The following KCTD7 variants were observed in gnomAD, a reference collection of about 807,000 sequenced individuals.
The protein encoded by KCTD7 is BTB/POZ domain-containing protein KCTD7.
In KCTD7, 15 loss-of-function variants were observed where a neutral mutation model predicts 27.0. The ratio of observed to expected loss-of-function variants is 0.56; its 90% CI spans 0.37 to 0.86. The LOEUF (loss-of-function observed/expected upper bound fraction) is 0.86. Ranked by LOEUF, KCTD7 falls within the 40% of genes least tolerant of loss-of-function variation. The probability of loss-of-function intolerance (pLI) is 0.00; values close to 1 mark genes in which losing one functional copy is unlikely to be tolerated. For missense variants in KCTD7, 299 were observed against 398.9 expected (o/e 0.75, Z 2.13); for synonymous variants, 159 against 162.7 (o/e 0.98, Z 0.17).
Position 66,640,587 on chromosome 7 carries a change from C to A in KCTD7, c.*1355C>A, listed in dbSNP as rs1281299146. ...CTAATCATGATTGTACCTGTCTCTT[C>A]CTGGGTAAAGGGAGATTTTTTTTTT... On this transcript the variant is annotated 3_prime_UTR_variant, in exon 4 of 4. Transcript: ENST00000639828. 15 of 1,401,370 alleles carry A rather than the reference C, an allele frequency of 1.1e-5. No homozygotes were observed. Among genetic ancestry groups the A allele is most frequent in the Admixed American group, 3.1e-5 (1 of 31,750 alleles). 86.8% of individuals were successfully genotyped at this position (1,401,370 alleles called of 1,614,324 possible).
At chr7:66,638,723 C>T (rs1562649855) in intron 3 of KCTD7, 133 bp from the exon 4 acceptor site, 2 of 1,159,978 alleles carry the variant, frequency 1.7e-6, no homozygotes, top group Non-Finnish European at 2.5e-6. Context: ...CATTGGCCCC[C>T]TGAGTCCCTT....
Position 66,639,637 on chromosome 7 carries a change from C to G in KCTD7, c.*405C>G. ...CACTTCCTCAACCCTGTTCAAGCGT[C>G]CCTCCCTTGTGCTCAGTATATTGGT... On this transcript the variant is annotated 3_prime_UTR_variant, in exon 4 of 4. Transcript: ENST00000639828. 1 of 1,341,276 alleles carries G rather than the reference C, an allele frequency of 7.5e-7. No homozygotes were observed. Among genetic ancestry groups the G allele is most frequent in the Non-Finnish European group, 9.6e-7 (1 of 1,043,460 alleles). The allele number at this position is 1,341,276 out of a possible 1,614,324, so 83.1% of individuals were successfully genotyped here.
At chr7:66,632,197 C>G (rs1363460019) in intron 1 of KCTD7, among the ~76,000 whole-genome samples, 1 of 152,136 alleles carries the variant, frequency 6.6e-6, no homozygotes, top group Non-Finnish European at 1.5e-5. Flanking sequence ...AGAAAAAGGG[C>G]ACATAGCAGG....
intron 1 of KCTD7, among the ~76,000 whole-genome samples, chr7:66,630,795 G>A (rs942718029): frequency 6.6e-6 from 1 of 152,112 alleles, no homozygotes; most frequent in East Asian, 1.9e-4. Flanking sequence ...GCAGACCAGG[G>A]CCCCACCACC....
chr7:66,638,137 T>C, intron 2 of KCTD7, 116 bp from the exon 3 acceptor site: 8 of 1,058,810 alleles, frequency 7.6e-6, no homozygotes, highest in Non-Finnish European at 1.0e-5. Flanking sequence ...GTTAAGTTCA[T>C]TTACCCAGTG....
Position 66,632,982 on chromosome 7 carries a change from C to T in KCTD7, c.145-293C>T, listed in dbSNP as rs113136163. ...CTGAGGCAGGAGAATGGCGTGAACCCGGGAGGCGGAGCTTGCAGTGAGCCA... is the reference window on the plus strand; with the variant it reads ...CTGAGGCAGGAGAATGGCGTGAACCTGGGAGGCGGAGCTTGCAGTGAGCCA... On this transcript the variant is annotated intron_variant, in intron 1 of 3. Transcript: ENST00000639828. Among the ~76,000 whole-genome samples the T allele has an allele frequency of 6.5e-4, 99 of 151,868 alleles. 1 individual carries two copies. The highest frequency in any genetic ancestry group is 3.4e-3 in the Middle Eastern group (1 of 292).
chr7:66,634,134 A>G (rs1190333714), intron 2 of KCTD7, among the ~76,000 whole-genome samples: 1 of 145,666 alleles, frequency 6.9e-6, no homozygotes, highest in African/African-American at 2.5e-5. Context: ...ATATATATAT[A>G]TATGTATATA....
intron 2 of KCTD7, among the ~76,000 whole-genome samples, chr7:66,637,655 T>G (rs574953925): frequency 2.6e-5 from 4 of 152,246 alleles, no homozygotes; most frequent in South Asian, 2.1e-4. Flanking sequence ...ATAATTCTGT[T>G]TATATATATA....
rs768234025 is a variant in KCTD7 at position 66,638,849 on chromosome 7, C to G, written c.494-7C>G. On this transcript the variant is annotated splice_region_variant and splice_polypyrimidine_tract_variant and intron_variant, in intron 3 of 3. Transcript: ENST00000639828. ...CCTAGTGATAGGTGTTGTGTTCATC[C>G]TTATAGACCACTTGGAGCGGATTGT... is the stretch of plus-strand genomic sequence containing the variant. 1.2e-6 allele frequency: 2 copies of G among 1,613,950 alleles called. No individual in the cohort carries two copies. Among genetic ancestry groups the G allele is most frequent in the South Asian group, 2.2e-5 (2 of 91,076 alleles).
rs769991459 is a variant in KCTD7 at position 66,638,272 on chromosome 7, C to T, written c.334C>T (p.Arg112Cys). 19 of 1,614,208 alleles carry T rather than the reference C, an allele frequency of 1.2e-5. No homozygotes were observed. Among genetic ancestry groups the T allele is most frequent in the East Asian group, 2.2e-5 (1 of 44,884 alleles). Reference protein sequence around the residue: ...THFGDVLNFLRSGDLPPRERV... With the variant: ...THFGDVLNFLCSGDLPPRERV... Reference sequence around the variant, plus strand: ...GCTTAGAGATGTGCTGAATTTCCTGCGCTCAGGGGACCTCCCACCCAGGGA... The same window carrying T: ...GCTTAGAGATGTGCTGAATTTCCTGTGCTCAGGGGACCTCCCACCCAGGGA... The change falls in exon 3 of 4, where the codon CGC becomes TGC. Residue 112 changes from arginine to cysteine, a missense_variant. Arg to Cys is a radical substitution (Grantham distance 180, BLOSUM62 -3). Coordinates refer to ENST00000639828, the MANE Select transcript of KCTD7 (RefSeq NM_153033.5).
Position 66,639,622 on chromosome 7 carries a change from A to G in KCTD7, c.*390A>G, listed in dbSNP as rs1786667930. 4 of 1,336,744 alleles carry G rather than the reference A, an allele frequency of 3.0e-6. No homozygotes were observed. The highest frequency in any genetic ancestry group is 2.9e-6 in the Non-Finnish European group (3 of 1,040,026). 82.8% of individuals were successfully genotyped at this position (1,336,744 alleles called of 1,614,324 possible). On this transcript the variant is annotated 3_prime_UTR_variant, in exon 4 of 4. Transcript: ENST00000639828. ...CGATGTAGGCCTAATCACTTCCTCA[A>G]CCCTGTTCAAGCGTCCCTCCCTTGT...
At chr7:66,631,048 A>T (rs1379958254) in intron 1 of KCTD7, among the ~76,000 whole-genome samples, 2 of 152,190 alleles carry the variant, frequency 1.3e-5, no homozygotes, top group Non-Finnish European at 2.9e-5. Flanking sequence ...AGCGCAAGGC[A>T]TTTTCATGTC....
chr7:66,642,654 A>G lies in KCTD7; in HGVS notation c.*3422A>G. 1.0e-6 allele frequency: 1 copy of G among 985,378 alleles called. No individual in the cohort carries two copies. The highest frequency in any genetic ancestry group is 1.2e-6 in the Non-Finnish European group (1 of 829,926). The allele number at this position is 985,378 out of a possible 1,614,324, so 61.0% of individuals were successfully genotyped here. The stretch of plus-strand genomic sequence containing the variant: ...TATACATTATTAAGCTTTCTTGGGT[A>G]CTATTTTGCTGGGGCTCTTGCGTGA... On this transcript the variant is annotated 3_prime_UTR_variant, in exon 4 of 4. Coordinates refer to ENST00000639828, the MANE Select transcript of KCTD7 (RefSeq NM_153033.5).
intron 2 of KCTD7, among the ~76,000 whole-genome samples, chr7:66,634,501 T>A (rs1459199981): frequency 6.6e-6 from 1 of 152,056 alleles, no homozygotes; most frequent in East Asian, 1.9e-4. Flanking sequence ...GCCTCCTGAA[T>A]AGCTGAGACT....
In KCTD7 at chr7:66,639,923, C is replaced by T. The variant is rs935478426; in HGVS notation, c.*691C>T. 2.3e-5 allele frequency: 29 copies of T among 1,245,528 alleles called. No individual in the cohort carries two copies. Among genetic ancestry groups the T allele is most frequent in the Admixed American group, 2.0e-4 (5 of 25,302 alleles). The allele number at this position is 1,245,528 out of a possible 1,614,324, so 77.2% of individuals were successfully genotyped here. A position where few individuals can be genotyped will look rare whatever the true frequency, so the allele number is the denominator to read the frequency against. On this transcript the variant is annotated 3_prime_UTR_variant, in exon 4 of 4. Transcript: ENST00000639828. Reference sequence around the variant, plus strand: ...TGTTTACAGCCCTGTCTTAGGGCCGCGGCTTCTCTTATCTTCCACCACCTT... The same window carrying T: ...TGTTTACAGCCCTGTCTTAGGGCCGTGGCTTCTCTTATCTTCCACCACCTT...
intron 2 of KCTD7, among the ~76,000 whole-genome samples, chr7:66,637,599 CATT>C (rs371872600): frequency 6.6e-4 from 100 of 152,086 alleles, no homozygotes; most frequent in African/African-American, 2.2e-3. Flanking sequence ...ATTTCAAAAA[CATT>C]ATGTTAAAGG....
At chr7:66,635,231 C>T (rs1029847775) in intron 2 of KCTD7, among the ~76,000 whole-genome samples, 8 of 151,944 alleles carry the variant, frequency 5.3e-5, no homozygotes, top group Admixed American at 1.3e-4. Context: ...AGGATGTTCT[C>T]GAACACCTGG....
At chr7:66,632,034 C>T (rs867182320) in intron 1 of KCTD7, among the ~76,000 whole-genome samples, 4 of 152,224 alleles carry the variant, frequency 2.6e-5, no homozygotes, top group South Asian at 2.1e-4. Context: ...ATATGACACA[C>T]GGTGAAGGCA....
exon 4 of KCTD7, chr7:66,643,046 AACCTGGGTGCT>A (rs1161292829): frequency 7.1e-6 from 7 of 985,306 alleles, no homozygotes; most frequent in Non-Finnish European, 2.4e-6. Context: ...CAAGAACTAG[AACCTGGGTGCT>A]GTGCCTTTCT....
Sources: allele counts gnomAD v4.1 joint callset (sites outside exome capture counted in the v4.1 genomes callset), GRCh38; gene constraint gnomAD v4.1.1; transcripts MANE v1.5; gene names NCBI Gene and HGNC (gene_info 2026-07-23, HGNC 2026-07-21).